The following HGSNAT variants were observed in gnomAD, a reference collection of about 807,000 sequenced individuals.
The protein encoded by HGSNAT is heparan-alpha-glucosaminide N-acetyltransferase.
In HGSNAT, 59 loss-of-function variants were observed where a neutral mutation model predicts 85.2. The ratio of observed to expected loss-of-function variants is 0.69; its 90% CI spans 0.56 to 0.86. The LOEUF (loss-of-function observed/expected upper bound fraction) is 0.86, where lower values mean the gene tolerates loss of function less well. Among genes scored for constraint, HGSNAT ranks in the 40% least tolerant of loss-of-function variants. HGSNAT has a pLI of 0.00. For synonymous variants in HGSNAT, 321 were observed against 304.5 expected, an observed-to-expected ratio of 1.05 and a Z score of -0.56; for missense variants, 756 against 777.1, an observed-to-expected ratio of 0.97 and a Z score of 0.32.
rs773638310 is a variant in HGSNAT at position 43,172,314 on chromosome 8, G to A, written c.748G>A (p.Ala250Thr). ...CTCTTTGTTGGCTTCTTCTAGGATT[G>A]CTCTTATACTCATGGTCTTTGTCAA... Reference protein sequence around the residue: ...LRSVDTFRGIALILMVFVNYG... With the variant: ...LRSVDTFRGITLILMVFVNYG... Residue 250 changes from alanine (A) to threonine (T), a missense_variant, in exon 8 of 18, where the codon GCT (alanine) becomes ACT (threonine). Physicochemically the swap from Ala to Thr is moderately conservative, Grantham distance 58 (BLOSUM62 0). Coordinates refer to ENST00000379644, the MANE Select transcript of HGSNAT (RefSeq NM_152419.3). 1.2e-5 allele frequency: 19 copies of A among 1,609,668 alleles called. No individual in the cohort carries two copies. The South Asian group carries it at 2.0e-4, about 17-fold the overall frequency.
At chr8:43,183,866 A>G (rs1378012278) in intron 11 of HGSNAT, among the ~76,000 whole-genome samples, 3 of 151,922 alleles carry the variant, frequency 2.0e-5, no homozygotes, top group Non-Finnish European at 2.9e-5. Flanking sequence ...ATTCCCACCT[A>G]TGAGTGAGAA....
chr8:43,178,718 A>G (rs1803905084), intron 10 of HGSNAT, among the ~76,000 whole-genome samples: 1 of 149,698 alleles, frequency 6.7e-6, no homozygotes, highest in Admixed American at 6.6e-5. Context: ...AAGTGAACAA[A>G]GGTCTCTGGT....
chr8:43,153,577 T>C (rs1802989966), intron 2 of HGSNAT, among the ~76,000 whole-genome samples: 1 of 152,164 alleles, frequency 6.6e-6, no homozygotes, highest in Non-Finnish European at 1.5e-5. Context: ...GGTGCGATGG[T>C]TCAAAATCAT....
intron 11 of HGSNAT, among the ~76,000 whole-genome samples, chr8:43,185,270 C>T (rs1317952990): frequency 6.6e-6 from 1 of 152,210 alleles, no homozygotes; most frequent in East Asian, 1.9e-4. Context: ...TATCCATAAG[C>T]ATGGAATGTT....
intron 10 of HGSNAT, among the ~76,000 whole-genome samples, chr8:43,178,599 T>C (rs1177561667): frequency 6.7e-6 from 1 of 148,744 alleles, no homozygotes; most frequent in Non-Finnish European, 1.5e-5. Context: ...GCTTTCTTTT[T>C]TTTTTTTTTT....
At chr8:43,145,256 C>T (rs1802674810) in intron 1 of HGSNAT, among the ~76,000 whole-genome samples, 1 of 152,106 alleles carries the variant, frequency 6.6e-6, no homozygotes, top group Non-Finnish European at 1.5e-5. Flanking sequence ...TGCGTGCTGA[C>T]CTAGGGCATC....
intron 14 of HGSNAT, among the ~76,000 whole-genome samples, chr8:43,195,656 G>GTGGAGGAGGATGGGGTGGAGGAA (rs1804694585): frequency 6.9e-5 from 1 of 14,546 alleles, no homozygotes; most frequent in Non-Finnish European, 2.8e-4. Context: ...AGGAGGGGCT[G>GTGGAGGAGGATGGGGTGGAGGAA]GAGGAGGAGG....
chr8:43,173,831 G>A (rs1292049920), intron 9 of HGSNAT, 88 bp downstream of exon 9: 11 of 1,390,848 alleles, frequency 7.9e-6, no homozygotes, highest in Non-Finnish European at 1.0e-5. Context: ...CTTCTGAGAC[G>A]GGCATGTGTT....
intron 11 of HGSNAT, among the ~76,000 whole-genome samples, chr8:43,186,507 G>C (rs572837388): frequency 1.3e-5 from 2 of 151,798 alleles, no homozygotes; most frequent in Non-Finnish European, 2.9e-5. Context: ...ATTTTTTATT[G>C]TGTCTATTTG....
At position 43,193,760 on chromosome 8, in the gene HGSNAT, CT is replaced by C. The variant is rs1304268406; in HGVS notation, c.1384del (p.Tyr462ThrfsTer20). ...HLYQHPSSAV[L>X]YHTEVAYDPE... is the part of the protein sequence containing the mutation. The stretch of plus-strand genomic sequence containing the variant: ...CCTTCTGCTTCTGTTTGTTAAGGTA[CT>C]TTACCACACCGAGGTGGCCTATGAC... On this transcript the variant is annotated frameshift_variant, in exon 14 of 18. Transcript: ENST00000379644. LOFTEE classifies it high-confidence loss of function. 6.2e-7 allele frequency: 1 copy of C among 1,611,724 alleles called. No individual in the cohort carries two copies. Among genetic ancestry groups the C allele is most frequent in the Non-Finnish European group, 8.5e-7 (1 of 1,178,336 alleles).
intron 5 of HGSNAT, among the ~76,000 whole-genome samples, chr8:43,165,763 C>A (rs1803414170): frequency 6.6e-6 from 1 of 152,038 alleles, no homozygotes; most frequent in African/African-American, 2.4e-5. Flanking sequence ...ATGGCAAAAC[C>A]CCATCTCTAC....
intron 1 of HGSNAT, among the ~76,000 whole-genome samples, chr8:43,142,879 C>T (rs1802595232): frequency 6.6e-6 from 1 of 152,312 alleles, no homozygotes; most frequent in South Asian, 2.1e-4. Flanking sequence ...TTCCGCCCAC[C>T]ACCAAAGGCT....
At chr8:43,146,633 A>G (rs959773556) in intron 1 of HGSNAT, among the ~76,000 whole-genome samples, 2 of 152,218 alleles carry the variant, frequency 1.3e-5, no homozygotes, top group Admixed American at 1.3e-4. Flanking sequence ...CTCGATGAAT[A>G]TAAGTTCCTT....
At chr8:43,173,585 A>G in intron 8 of HGSNAT, 128 bp from the exon 9 acceptor site, 1 of 980,412 alleles carries the variant, frequency 1.0e-6, no homozygotes. Flanking sequence ...TGTTGGGATT[A>G]CGGGCATGAG....
chr8:43,173,630 A>G (rs1321235683), intron 8 of HGSNAT, 83 bp from the exon 9 acceptor site: 4 of 1,426,898 alleles, frequency 2.8e-6, no homozygotes, highest in Non-Finnish European at 3.9e-6. Flanking sequence ...TTTCTATACC[A>G]GTGTGTAATG....
intron 16 of HGSNAT, 44 bp downstream of exon 16, chr8:43,197,786 T>A (rs771353461): frequency 6.3e-7 from 1 of 1,599,982 alleles, no homozygotes; most frequent in South Asian, 1.1e-5. Flanking sequence ...CTGTTCATGC[T>A]GAAATTGGAT....
intron 2 of HGSNAT, among the ~76,000 whole-genome samples, chr8:43,150,200 G>A (rs538556009): frequency 5.9e-5 from 9 of 152,158 alleles, no homozygotes; most frequent in East Asian, 1.9e-4. Context: ...TGATCCGCCC[G>A]CCTCAGCCTC....
rs1804175465 is a variant in HGSNAT at position 43,182,754 on chromosome 8, G to GT, written c.1128+500dup. Reference sequence around the variant, plus strand: ...AGCCACCATGCCCAGCCAAAACAGTGTTTTTTAAAAAAAGGGAGAACAAAG... The same window carrying GT: ...AGCCACCATGCCCAGCCAAAACAGTGTTTTTTTAAAAAAAGGGAGAACAAAG... On this transcript the variant is annotated intron_variant, in intron 11 of 17. Transcript: ENST00000379644. 5.3e-5 allele frequency among the ~76,000 whole-genome samples: 8 copies of GT among 152,054 alleles called. No individual in the cohort carries two copies. In the South Asian group the frequency reaches 1.7e-3, roughly 32 times the overall value.
intron 2 of HGSNAT, among the ~76,000 whole-genome samples, chr8:43,149,638 T>TGCAGTGAGCCGAGA: frequency 6.7e-6 from 1 of 150,238 alleles, no homozygotes; most frequent in Non-Finnish European, 1.5e-5. Flanking sequence ...AGGCGGAGCT[T>TGCAGTGAGCCGAGA]GCAGTGAGCC....
Sources: gnomAD v4.1 joint callset for allele counts (sites outside exome capture counted in the v4.1 genomes callset) on GRCh38, gnomAD v4.1.1 for gene constraint, MANE v1.5 for transcripts, NCBI Gene and HGNC (gene_info 2026-07-23, HGNC 2026-07-21) for gene names.